Variants in MAGI2 observed in about 807,000 individuals in gnomAD.
The protein encoded by MAGI2 is membrane-associated guanylate kinase, WW and PDZ domain-containing protein 2.
Under a neutral mutation model 133.3 loss-of-function variants are expected in MAGI2, and 35 were observed. The ratio of observed to expected loss-of-function variants is 0.26; its 90% CI spans 0.20 to 0.35. MAGI2 has a LOEUF of 0.35. Among genes scored for constraint, MAGI2 ranks in the 10% least tolerant of loss-of-function variants. The pLI is 1.00. For synonymous variants in MAGI2, 729 were observed against 710.6 expected, an observed-to-expected ratio of 1.03 and a Z score of -0.41; for missense variants, 1,636 against 1,863.4, an observed-to-expected ratio of 0.88 and a Z score of 2.25.
chr7:78,744,172 A>G (rs1822705926), intron 2 of MAGI2, among the ~76,000 whole-genome samples: 1 of 152,184 alleles, frequency 6.6e-6, no homozygotes, highest in South Asian at 2.1e-4. Context: ...CAAAAAACCC[A>G]TTGATATCCT....
At chr7:78,238,701 G>A (rs1192209334) in intron 10 of MAGI2, among the ~76,000 whole-genome samples, 1 of 152,006 alleles carries the variant, frequency 6.6e-6, no homozygotes, top group Non-Finnish European at 1.5e-5. Context: ...TGCAGTGGAA[G>A]CCAGCTTGCC....
chr7:78,658,188 T>C (rs947831662), intron 2 of MAGI2, among the ~76,000 whole-genome samples: 11 of 152,222 alleles, frequency 7.2e-5, no homozygotes, highest in African/African-American at 2.4e-4. Flanking sequence ...ATATGTCCAA[T>C]AAATTTTTGA....
At chr7:78,316,208 G>A (rs1448095747) in intron 9 of MAGI2, among the ~76,000 whole-genome samples, 3 of 152,174 alleles carry the variant, frequency 2.0e-5, no homozygotes, top group Non-Finnish European at 4.4e-5. Flanking sequence ...TTTTCAAGGT[G>A]CATTGCAAAC....
intron 2 of MAGI2, among the ~76,000 whole-genome samples, chr7:78,999,503 AT>A (rs1277744268): frequency 6.6e-6 from 1 of 152,226 alleles, no homozygotes; most frequent in Non-Finnish European, 1.5e-5. Context: ...AGATACATTC[AT>A]TTTGTTTAAT....
intron 20 of MAGI2, among the ~76,000 whole-genome samples, chr7:78,109,626 C>T (rs899141666): frequency 1.3e-5 from 2 of 151,916 alleles, no homozygotes; most frequent in South Asian, 2.1e-4. Flanking sequence ...AGCAAGACTC[C>T]GTCTCAAAAC....
At chr7:78,931,863 G>A (rs900189464) in intron 2 of MAGI2, among the ~76,000 whole-genome samples, 17 of 152,054 alleles carry the variant, frequency 1.1e-4, no homozygotes, top group African/African-American at 3.9e-4. Context: ...TTTAAGTACA[G>A]GTTGAGCATT....
chr7:78,028,641 G>A (rs1037184977), intron 21 of MAGI2, among the ~76,000 whole-genome samples: 2 of 152,124 alleles, frequency 1.3e-5, no homozygotes, highest in Non-Finnish European at 2.9e-5. Flanking sequence ...GATCACTTGA[G>A]GTCAGGAGTT....
intron 2 of MAGI2, among the ~76,000 whole-genome samples, chr7:78,655,417 A>AACAAT (rs1285780274): frequency 4.0e-5 from 6 of 149,030 alleles, no homozygotes; most frequent in African/African-American, 1.5e-4. Context: ...AACAAAACAA[A>AACAAT]ACAAAACAAA....
intron 4 of MAGI2, among the ~76,000 whole-genome samples, chr7:78,503,584 T>TCCTCCCCCTCCTCCTCCCCCTCCG (rs1338815542): frequency 2.8e-5 from 1 of 36,218 alleles, no homozygotes; most frequent in Non-Finnish European, 5.3e-5. Context: ...CTCCCCCTCC[T>TCCTCCCCCTCCTCCTCCCCCTCCG]CCTCCTCCCC....
chr7:78,387,996 C>T (rs776617668), intron 6 of MAGI2, among the ~76,000 whole-genome samples: 2 of 151,852 alleles, frequency 1.3e-5, no homozygotes, highest in African/African-American at 2.4e-5. Flanking sequence ...TCTATTCTTA[C>T]ACCTGAGTTG....
intron 1 of MAGI2, among the ~76,000 whole-genome samples, chr7:79,423,232 ATATT>A (rs1333260968): frequency 4.6e-5 from 7 of 152,052 alleles, no homozygotes; most frequent in Non-Finnish European, 7.4e-5. Flanking sequence ...AATAAAAACT[ATATT>A]TATTATTTGT....
chr7:78,740,421 G>T (rs972270710), intron 2 of MAGI2, among the ~76,000 whole-genome samples: 8 of 152,174 alleles, frequency 5.3e-5, no homozygotes, highest in African/African-American at 1.9e-4. Context: ...TAACAGAAAT[G>T]GGATGTGAGT....
chr7:78,616,603 CAT>C (rs1447198898), intron 3 of MAGI2: 1 of 152,086 alleles, frequency 6.6e-6, no homozygotes, highest in Non-Finnish European at 1.5e-5. Context: ...GAGAGGGAAA[CAT>C]GTGAGAGAAA....
intron 1 of MAGI2, among the ~76,000 whole-genome samples, chr7:79,300,683 T>C (rs6963053): frequency 0.93 from 141,806 of 152,268 alleles, 66,399 homozygotes; most frequent in Non-Finnish European, 0.98. Context: ...GTGGAGCAAT[T>C]ACTTGCTAGA....
chr7:78,566,858 C>A (rs541899362), intron 3 of MAGI2, among the ~76,000 whole-genome samples: 25 of 152,072 alleles, frequency 1.6e-4, no homozygotes, highest in African/African-American at 6.0e-4. Context: ...ATGTAATCAG[C>A]CTGAGAATTG....
At chr7:78,227,362 C>A (rs922990030) in intron 10 of MAGI2, among the ~76,000 whole-genome samples, 3 of 152,154 alleles carry the variant, frequency 2.0e-5, no homozygotes, top group Middle Eastern at 3.2e-3. Flanking sequence ...ATTTCAATTA[C>A]CCAACAGTAT....
At chr7:78,097,044 C>T (rs1817758104) in intron 20 of MAGI2, among the ~76,000 whole-genome samples, 1 of 151,998 alleles carries the variant, frequency 6.6e-6, no homozygotes, top group South Asian at 2.1e-4. Context: ...CACATGTGCC[C>T]AACAAGCATA....
At position 78,537,170 on chromosome 7, in the gene MAGI2, T is replaced by TACACACAC. The variant is rs3086437; in HGVS notation, c.539-15533_539-15526dup. On this transcript the variant is annotated intron_variant, in intron 3 of 21. Coordinates refer to ENST00000354212, the MANE Select transcript of MAGI2 (RefSeq NM_012301.4). Reference sequence around the variant, plus strand: ...TTTTTATGGCTGAATAGTATTCCACTACACACACACACACACACACACACA... The same window carrying TACACACAC: ...TTTTTATGGCTGAATAGTATTCCACTACACACACACACACACACACACACACACACACA... Among the ~76,000 whole-genome samples the TACACACAC allele has an allele frequency of 7.2e-3, 1,048 of 146,286 alleles. 7 individuals are homozygous for TACACACAC. The highest frequency in any genetic ancestry group is 9.5e-3 in the African/African-American group (371 of 39,176).
chr7:79,222,893 G>A (rs1450793604), intron 1 of MAGI2, among the ~76,000 whole-genome samples: 4 of 151,824 alleles, frequency 2.6e-5, no homozygotes, highest in Non-Finnish European at 2.9e-5. Flanking sequence ...TTGTTTGTTT[G>A]TTTGTTTTTG....
Sources: allele counts gnomAD v4.1 joint callset (sites outside exome capture counted in the v4.1 genomes callset), GRCh38; gene constraint gnomAD v4.1.1; transcripts MANE v1.5; gene names NCBI Gene and HGNC (gene_info 2026-07-23, HGNC 2026-07-21).